Variants in SETD2 observed in about 807,000 individuals in gnomAD.
SETD2 encodes the protein SET domain containing 2, histone lysine methyltransferase, also known as histone-lysine N-methyltransferase SETD2.
In SETD2, 31 loss-of-function variants were observed where a neutral mutation model predicts 242.1. That is an observed-to-expected ratio of 0.13 (90% CI 0.10 to 0.17). The LOEUF (loss-of-function observed/expected upper bound fraction) is 0.17, where lower values mean the gene tolerates loss of function less well. SETD2 is among the 10% of genes least tolerant of loss of function. The pLI is 1.00. For synonymous variants in SETD2, 1,006 were observed against 1,066.5 expected (o/e 0.94, Z 1.11); for missense variants, 2,481 against 3,046.3 (o/e 0.81, Z 4.37).
At chr3:47,146,248 C>A (rs1438058635) in intron 1 of SETD2, among the ~76,000 whole-genome samples, 1 of 152,020 alleles carries the variant, frequency 6.6e-6, no homozygotes, top group African/African-American at 2.4e-5. Flanking sequence ...ACCTAAGTTA[C>A]TAAAAGAAAT....
intron 18 of SETD2, among the ~76,000 whole-genome samples, chr3:47,037,124 A>AT (rs1157247658): frequency 4.9e-5 from 3 of 61,258 alleles, no homozygotes; most frequent in Non-Finnish European, 6.6e-5. Flanking sequence ...TATTTTTTAT[A>AT]TTTTTTTATT....
At chr3:47,052,284 C>T (rs776865811) in intron 15 of SETD2, among the ~76,000 whole-genome samples, 2 of 152,094 alleles carry the variant, frequency 1.3e-5, no homozygotes, top group Non-Finnish European at 2.9e-5. Context: ...AATCTTCCCA[C>T]CTCAGCTCTC....
At chr3:47,090,538 G>A (rs1451752663) in intron 9 of SETD2, among the ~76,000 whole-genome samples, 1 of 151,960 alleles carries the variant, frequency 6.6e-6, no homozygotes, top group South Asian at 2.1e-4. Context: ...CTACAGGCCC[G>A]TGCCACCATA....
In SETD2 at chr3:47,121,997, G is replaced by A. The variant is rs2043113924; in HGVS notation, c.2639C>T (p.Ala880Val). ...LYQPIGSSGI[A>V]SSLQSLPPGI... ...TGGTGGAAGACTCTGAAGAGATGAAGCAATACCTGAACTCCCAATAGGTTG... is the reference window on the plus strand; with the variant it reads ...TGGTGGAAGACTCTGAAGAGATGAAACAATACCTGAACTCCCAATAGGTTG... The change falls in exon 3 of 21, where the codon GCT (alanine) becomes GTT (valine). Residue 880 changes from alanine to valine, a missense_variant. Transcript: ENST00000409792. 1.9e-6 allele frequency: 3 copies of A among 1,613,806 alleles called. No homozygotes were observed. The highest frequency in any genetic ancestry group is 2.7e-5 in the African/African-American group (2 of 74,932).
chr3:47,065,061 T>C (rs1440785893), intron 13 of SETD2, among the ~76,000 whole-genome samples: 1 of 152,228 alleles, frequency 6.6e-6, no homozygotes, highest in East Asian at 1.9e-4. Flanking sequence ...GAAACGCTCA[T>C]AGGTATTTAA....
chr3:47,131,497 C>G (rs779581209), intron 1 of SETD2, among the ~76,000 whole-genome samples: 1 of 151,892 alleles, frequency 6.6e-6, no homozygotes, highest in African/African-American at 2.4e-5. Flanking sequence ...GCGCCCACCA[C>G]CACACCCGGC....
At position 47,062,282 on chromosome 3, in the gene SETD2, A is replaced by G. The variant is rs146461266; in HGVS notation, c.6174T>C (p.Asn2058=). The G allele has an allele frequency of 1.9e-6, 3 of 1,613,628 alleles. No individual in the cohort carries two copies. Among genetic ancestry groups the G allele is most frequent in the East Asian group, 4.5e-5 (2 of 44,868 alleles). The change falls in exon 14 of 21, where the codon AAT becomes AAC. Residue 2058 remains asparagine, a synonymous_variant. Coordinates refer to ENST00000409792, the MANE Select transcript of SETD2 (RefSeq NM_014159.7). ...TGTCTGGGTCTCTCTCTCTTGACCT[A>G]TTAGGAGTCTTCGGGGCAGGTGTTT... ...RDQTPAPKTP[N]RSRERDPDKQ...
intron 9 of SETD2, among the ~76,000 whole-genome samples, chr3:47,092,064 G>A (rs538803101): frequency 6.6e-6 from 1 of 152,216 alleles, no homozygotes; most frequent in East Asian, 1.9e-4. Flanking sequence ...TAGATATTGT[G>A]TAAGGCATTT....
In SETD2 at chr3:47,120,802, A is replaced by G. The variant is rs2107746155; in HGVS notation, c.3834T>C (p.Tyr1278=). Residue 1278 remains tyrosine, a synonymous_variant, in exon 3 of 21, where the codon TAT becomes TAC. Coordinates refer to ENST00000409792, the MANE Select transcript of SETD2 (RefSeq NM_014159.7). ...GATACTTGTGTCCACCACAAGCTCC[A>G]TAGCTACTGTCAGGTTGCTGATACG... ...STTYQQPDSS[Y]GACGGHKYQQ... The G allele has an allele frequency of 2.5e-6, 4 of 1,614,252 alleles. No homozygotes were observed. Among genetic ancestry groups the G allele is most frequent in the Non-Finnish European group, 3.4e-6 (4 of 1,180,044 alleles).
intron 18 of SETD2, among the ~76,000 whole-genome samples, chr3:47,026,871 G>A (rs1414660346): frequency 2.0e-5 from 3 of 151,846 alleles, no homozygotes; most frequent in African/African-American, 7.3e-5. Context: ...TGGGTTGATG[G>A]GTGCAGCAAA....
At chr3:47,093,075 T>C (rs2041868172) in intron 9 of SETD2, among the ~76,000 whole-genome samples, 1 of 152,130 alleles carries the variant, frequency 6.6e-6, no homozygotes, top group Non-Finnish European at 1.5e-5. Flanking sequence ...TACTTTAATT[T>C]TACTTTAAGT....
At chr3:47,028,068 C>T (rs1005286794) in intron 18 of SETD2, among the ~76,000 whole-genome samples, 3 of 152,018 alleles carry the variant, frequency 2.0e-5, no homozygotes, top group African/African-American at 7.2e-5. Flanking sequence ...TGCTTCTGGT[C>T]ATGACAGATT....
At chr3:47,140,678 T>C (rs1382892738) in intron 1 of SETD2, among the ~76,000 whole-genome samples, 3 of 151,952 alleles carry the variant, frequency 2.0e-5, no homozygotes, top group African/African-American at 7.3e-5. Flanking sequence ...CTGGCCAACA[T>C]GGTGAAATCC....
At chr3:47,128,885 T>C (rs1469329350) in intron 1 of SETD2, among the ~76,000 whole-genome samples, 1 of 152,230 alleles carries the variant, frequency 6.6e-6, no homozygotes. Flanking sequence ...TAGTACCATT[T>C]GAAATTTTTT....
chr3:47,099,973 TTTTTG>T (rs771509705), intron 8 of SETD2, among the ~76,000 whole-genome samples: 22 of 151,908 alleles, frequency 1.4e-4, no homozygotes, highest in Non-Finnish European at 3.1e-4. Flanking sequence ...TGCTTTTTTG[TTTTTG>T]TTTTGTTTTT....
chr3:47,021,351 C>G (rs75105101), intron 18 of SETD2, among the ~76,000 whole-genome samples: 1 of 152,044 alleles, frequency 6.6e-6, no homozygotes, highest in South Asian at 2.1e-4. Flanking sequence ...ATGCTCTCAG[C>G]GAGGGTACTA....
chr3:47,109,869 C>G (rs1437589896), intron 5 of SETD2, among the ~76,000 whole-genome samples: 1 of 151,632 alleles, frequency 6.6e-6, no homozygotes, highest in African/African-American at 2.4e-5. Flanking sequence ...ACCTGTAATC[C>G]CAGCTACTCA....
chr3:47,074,649 C>T (rs1191196509), intron 12 of SETD2, among the ~76,000 whole-genome samples: 2 of 152,202 alleles, frequency 1.3e-5, no homozygotes, highest in African/African-American at 4.8e-5. Context: ...TAGGAGCCCT[C>T]CTGATACCCA....
At position 47,058,060 on chromosome 3, in the gene SETD2, G is replaced by T. The variant is rs1047789815; in HGVS notation, c.6294-570C>A. Among the ~76,000 whole-genome samples the T allele has an allele frequency of 2.6e-5, 4 of 152,096 alleles. No individual in the cohort carries two copies. The South Asian group carries it at 8.3e-4, about 32-fold the overall frequency. ...TAAAAGCAGACCAAGAGAAAAGCCCGATTAAAGAAGGATGAAAATTAGACC... is the reference window on the plus strand; with the variant it reads ...TAAAAGCAGACCAAGAGAAAAGCCCTATTAAAGAAGGATGAAAATTAGACC... On this transcript the variant is annotated intron_variant, in intron 14 of 20. Transcript: ENST00000409792.
Sources: allele counts gnomAD v4.1 joint callset (sites outside exome capture counted in the v4.1 genomes callset), GRCh38; gene constraint gnomAD v4.1.1; transcripts MANE v1.5; gene names NCBI Gene and HGNC (gene_info 2026-07-23, HGNC 2026-07-21).